Variants in RGL1 observed in about 807,000 individuals in gnomAD.
The protein encoded by RGL1 is ral guanine nucleotide dissociation stimulator-like 1.
In RGL1, 24 loss-of-function variants were observed where a neutral mutation model predicts 95.2. The observed-to-expected ratio is 0.25, with a 90% CI of 0.18 to 0.35. The LOEUF is 0.35. Among genes scored for constraint, RGL1 ranks in the 10% least tolerant of loss-of-function variants. The pLI, the probability that RGL1 is intolerant of heterozygous loss-of-function variation, is 1.00. For missense variants in RGL1, 715 were observed against 936.3 expected (o/e 0.76, Z 3.08); for synonymous variants, 329 against 344.9 (o/e 0.95, Z 0.51).
chr1:183,698,591 G>T (rs555132923), intron 1 of RGL1, among the ~76,000 whole-genome samples: 14 of 152,304 alleles, frequency 9.2e-5, no homozygotes, highest in African/African-American at 3.1e-4. Flanking sequence ...GATACAAAAA[G>T]TAAATTTCTG....
At chr1:183,848,294 G>A (rs898588477) in intron 3 of RGL1, among the ~76,000 whole-genome samples, 4 of 152,134 alleles carry the variant, frequency 2.6e-5, no homozygotes, top group Non-Finnish European at 4.4e-5. Flanking sequence ...TCCTTGATCC[G>A]TATTTTTAAG....
intron 1 of RGL1, among the ~76,000 whole-genome samples, chr1:183,681,344 A>G (rs1290755240): frequency 2.0e-5 from 3 of 152,070 alleles, no homozygotes; most frequent in Non-Finnish European, 4.4e-5. Context: ...TTTGAGATAC[A>G]TTCAATCAAA....
chr1:183,658,564 A>C (rs1399679957), intron 1 of RGL1, among the ~76,000 whole-genome samples: 2 of 152,140 alleles, frequency 1.3e-5, no homozygotes, highest in Non-Finnish European at 2.9e-5. Flanking sequence ...GGAAGCTGGA[A>C]CTGGGTGGAG....
intron 1 of RGL1, among the ~76,000 whole-genome samples, chr1:183,730,486 A>T (rs1465628366): frequency 6.6e-6 from 1 of 152,146 alleles, no homozygotes; most frequent in Non-Finnish European, 1.5e-5. Context: ...CTAAAGCGTC[A>T]GGGACTCTTA....
Position 183,805,216 on chromosome 1 carries a change from G to T in RGL1, c.-82G>T. The T allele has an allele frequency of 6.4e-7, 1 of 1,568,288 alleles. No individual in the cohort carries two copies. Among genetic ancestry groups the T allele is most frequent in the East Asian group, 2.4e-5 (1 of 42,262 alleles). ...GACCGGGACCGGGGCGAGGCGCCGC[G>T]GGGCTGAGCCCAGCAGACATTGCGT... is the stretch of plus-strand genomic sequence containing the variant. On this transcript the variant is annotated 5_prime_UTR_variant, in exon 1 of 18. Coordinates refer to ENST00000360851, the MANE Select transcript of RGL1 (RefSeq NM_001297671.3).
At chr1:183,701,820 C>T (rs949004963) in intron 1 of RGL1, among the ~76,000 whole-genome samples, 8 of 152,132 alleles carry the variant, frequency 5.3e-5, no homozygotes, top group East Asian at 1.9e-4. Flanking sequence ...ACCTGTAATC[C>T]CAGCTACTCG....
At chr1:183,772,827 G>T (rs1436174119) in intron 2 of RGL1, among the ~76,000 whole-genome samples, 1 of 151,220 alleles carries the variant, frequency 6.6e-6, no homozygotes, top group South Asian at 2.1e-4. Flanking sequence ...GGCTAACAAG[G>T]TGAAACCCCG....
chr1:183,731,951 C>T (rs1272032494), intron 1 of RGL1, among the ~76,000 whole-genome samples: 2 of 152,136 alleles, frequency 1.3e-5, no homozygotes, highest in African/African-American at 2.4e-5. Context: ...ACAGGCTTAA[C>T]TTATCTTTGT....
chr1:183,701,550 GA>G (rs1654597350), intron 1 of RGL1, among the ~76,000 whole-genome samples: 2 of 152,284 alleles, frequency 1.3e-5, no homozygotes, highest in Non-Finnish European at 2.9e-5. Flanking sequence ...AATGGGAAGT[GA>G]AATAGGGAAC....
intron 1 of RGL1, among the ~76,000 whole-genome samples, chr1:183,666,671 T>G (rs946851789): frequency 3.5e-4 from 53 of 152,170 alleles, no homozygotes; most frequent in Non-Finnish European, 1.6e-4. Context: ...TCCAGCTATC[T>G]TTCTGTTTCT....
At chr1:183,814,357 T>C (rs1281672767) in intron 2 of RGL1, among the ~76,000 whole-genome samples, 1 of 152,130 alleles carries the variant, frequency 6.6e-6, no homozygotes, top group African/African-American at 2.4e-5. Context: ...CTTTATGTTA[T>C]GTGGCGTATG....
At chr1:183,744,637 G>A (rs2102264821) in intron 2 of RGL1, among the ~76,000 whole-genome samples, 1 of 152,150 alleles carries the variant, frequency 6.6e-6, no homozygotes, top group South Asian at 2.1e-4. Context: ...ATACAGTATT[G>A]ATTTACATCT....
chr1:183,696,222 G>A (rs1182072921), intron 1 of RGL1, among the ~76,000 whole-genome samples: 1 of 152,022 alleles, frequency 6.6e-6, no homozygotes, highest in African/African-American at 2.4e-5. Flanking sequence ...TACTCTCCAA[G>A]GCTCGCGCTC....
chr1:183,663,372 A>T (rs1189182154), intron 1 of RGL1, among the ~76,000 whole-genome samples: 4 of 145,478 alleles, frequency 2.7e-5, no homozygotes, highest in Non-Finnish European at 5.9e-5. Flanking sequence ...ACAAGAAAAA[A>T]ACAAACAACC....
intron 2 of RGL1, among the ~76,000 whole-genome samples, chr1:183,761,566 A>T (rs900487470): frequency 1.3e-5 from 2 of 152,210 alleles, no homozygotes; most frequent in Non-Finnish European, 2.9e-5. Flanking sequence ...GCCAGAATAG[A>T]TGTAGCATAA....
intron 1 of RGL1, among the ~76,000 whole-genome samples, chr1:183,665,889 C>G (rs1275009888): frequency 6.6e-6 from 1 of 151,538 alleles, no homozygotes; most frequent in African/African-American, 2.4e-5. Context: ...TTATTGATTT[C>G]TGCACTGGTT....
At chr1:183,682,975 A>G (rs1378980706) in intron 1 of RGL1, among the ~76,000 whole-genome samples, 1 of 150,882 alleles carries the variant, frequency 6.6e-6, no homozygotes, top group African/African-American at 2.4e-5. Flanking sequence ...GTTTTATCAG[A>G]GACGAGGATT....
At chr1:183,809,681 A>G (rs974697003) in intron 2 of RGL1, among the ~76,000 whole-genome samples, 7 of 152,238 alleles carry the variant, frequency 4.6e-5, no homozygotes. Flanking sequence ...ACAGTGGCTC[A>G]TTCTTGTAAT....
Position 183,888,587 on chromosome 1 carries a change from C to G in RGL1, c.1055+10C>G. On this transcript the variant is annotated intron_variant, in intron 8 of 17. Coordinates refer to ENST00000360851, the MANE Select transcript of RGL1 (RefSeq NM_001297671.3). ...GGGCTGCCGTCCCAAGGTAAGTTCC[C>G]AAGTGTTTGCTCTGCTTTTCTTTGG... The G allele has an allele frequency of 6.4e-7, 1 of 1,552,238 alleles. No homozygotes were observed.
Sources: allele counts gnomAD v4.1 joint callset (sites outside exome capture counted in the v4.1 genomes callset), GRCh38; gene constraint gnomAD v4.1.1; transcripts MANE v1.5; gene names NCBI Gene and HGNC (gene_info 2026-07-23, HGNC 2026-07-21).